FSTL1: variants seen among roughly 807,000 people sequenced by gnomAD.
FSTL1 encodes follistatin like 1, also known as follistatin-related protein 1.
In FSTL1, 24 loss-of-function variants were observed where a neutral mutation model predicts 45.9. That is an observed-to-expected ratio of 0.52 (90% CI 0.38 to 0.74). The LOEUF (loss-of-function observed/expected upper bound fraction) is 0.74. Ranked by LOEUF, FSTL1 falls within the 30% of genes least tolerant of loss-of-function variation. FSTL1 has a pLI of 0.00. For missense variants in FSTL1, 340 were observed against 381.8 expected (o/e 0.89, Z 0.91); for synonymous variants, 120 against 137.6 (o/e 0.87, Z 0.89).
chr3:120,412,525 C>T (rs1224802485), intron 3 of FSTL1, among the ~76,000 whole-genome samples: 1 of 152,158 alleles, frequency 6.6e-6, no homozygotes, highest in Non-Finnish European at 1.5e-5. Flanking sequence ...CTTGTACTTC[C>T]CAGCCTCCAG....
chr3:120,392,315 T>C lies in FSTL1; in HGVS notation c.*4637A>G, dbSNP rs1936609826. 1 of 152,208 alleles carries C rather than the reference T, an allele frequency of 6.6e-6. No individual in the cohort carries two copies. The highest frequency in any genetic ancestry group is 1.5e-5 in the Non-Finnish European group (1 of 68,036). 9.4% of individuals were successfully genotyped at this position (152,208 alleles called of 1,614,324 possible). The stretch of plus-strand genomic sequence containing the variant: ...CAATTATTCATGAGATGATATTTAA[T>C]CTTACAAAAGGAATAATGAATATAA... On this transcript the variant is annotated 3_prime_UTR_variant, in exon 11 of 11. Coordinates refer to ENST00000295633, the MANE Select transcript of FSTL1 (RefSeq NM_007085.5).
At chr3:120,409,829 G>A in intron 5 of FSTL1, 167 bp from the exon 6 acceptor site, 1 of 474,342 alleles carries the variant, frequency 2.1e-6, no homozygotes. Context: ...AAAAAGTCTA[G>A]CCCAGGATTC....
intron 2 of FSTL1, among the ~76,000 whole-genome samples, chr3:120,438,785 C>A (rs1431743614): frequency 6.6e-6 from 1 of 152,148 alleles, no homozygotes; most frequent in African/African-American, 2.4e-5. Context: ...CCCAGCCCAT[C>A]TCTGGCCAGT....
At position 120,395,640 on chromosome 3, in the gene FSTL1, T is replaced by C. The variant is rs779514463; in HGVS notation, c.*1312A>G. On this transcript the variant is annotated 3_prime_UTR_variant, in exon 11 of 11. Coordinates refer to ENST00000295633, the MANE Select transcript of FSTL1 (RefSeq NM_007085.5). ...TCTGGTCATCTTGTTTTTGGCCATCTGACATTTCTTGTTCTAGTAACAAGA... is the reference window on the plus strand; with the variant it reads ...TCTGGTCATCTTGTTTTTGGCCATCCGACATTTCTTGTTCTAGTAACAAGA... The C allele has an allele frequency of 5.6e-6, 3 of 533,116 alleles. No homozygotes were observed. The Admixed American group carries it at 5.8e-5, about 10-fold the overall frequency. 33.0% of individuals were successfully genotyped at this position (533,116 alleles called of 1,614,324 possible).
chr3:120,409,817 G>A (rs540112954), intron 5 of FSTL1, 155 bp from the exon 6 acceptor site: 15 of 515,426 alleles, frequency 2.9e-5, no homozygotes, highest in African/African-American at 2.3e-4. Flanking sequence ...GTACACAACT[G>A]GAAAAAGTCT....
At chr3:120,448,595 T>C (rs551062114) in intron 2 of FSTL1, among the ~76,000 whole-genome samples, 1 of 152,328 alleles carries the variant, frequency 6.6e-6, no homozygotes, top group Non-Finnish European at 1.5e-5. Flanking sequence ...CTCTTTTCAT[T>C]GTAACCATTT....
chr3:120,403,599 C>T (rs544467242), intron 7 of FSTL1, among the ~76,000 whole-genome samples: 1 of 152,136 alleles, frequency 6.6e-6, no homozygotes, highest in Admixed American at 6.5e-5. Context: ...ATGTTCCCCC[C>T]CTTAAGATGA....
At chr3:120,443,926 T>C (rs1343995675) in intron 2 of FSTL1, among the ~76,000 whole-genome samples, 2 of 150,066 alleles carry the variant, frequency 1.3e-5, no homozygotes, top group Non-Finnish European at 2.9e-5. Context: ...ATTAGCAAGT[T>C]ATTGCCAGGC....
intron 10 of FSTL1, among the ~76,000 whole-genome samples, chr3:120,397,675 T>G (rs964526426): frequency 1.3e-5 from 2 of 152,200 alleles, no homozygotes; most frequent in Non-Finnish European, 2.9e-5. Flanking sequence ...AGTGGTGCAG[T>G]AGCTTTGGAA....
At chr3:120,411,532 C>G (rs1200276376) in intron 4 of FSTL1, among the ~76,000 whole-genome samples, 1 of 152,212 alleles carries the variant, frequency 6.6e-6, no homozygotes, top group Admixed American at 6.5e-5. Context: ...TAAAAAGGTA[C>G]ATAATTCATT....
chr3:120,446,921 C>T (rs1252261593), intron 2 of FSTL1, among the ~76,000 whole-genome samples: 1 of 152,172 alleles, frequency 6.6e-6, no homozygotes, highest in Non-Finnish European at 1.5e-5. Context: ...GGATCCCTTA[C>T]TGGAATGAGG....
chr3:120,406,210 C>G (rs1315359852), intron 6 of FSTL1, among the ~76,000 whole-genome samples: 1 of 152,134 alleles, frequency 6.6e-6, no homozygotes, highest in Non-Finnish European at 1.5e-5. Flanking sequence ...CCTTTATTCA[C>G]TATACAATTT....
intron 2 of FSTL1, among the ~76,000 whole-genome samples, chr3:120,420,952 A>G (rs1407898441): frequency 6.6e-6 from 1 of 152,248 alleles, no homozygotes; most frequent in Non-Finnish European, 1.5e-5. Flanking sequence ...AAAAATGGAA[A>G]TGATTTTTGC....
chr3:120,444,319 A>G (rs958004848), intron 2 of FSTL1, among the ~76,000 whole-genome samples: 4 of 149,840 alleles, frequency 2.7e-5, no homozygotes, highest in African/African-American at 1.0e-4. Flanking sequence ...AATAGCTTTC[A>G]TCTCATATAG....
rs187169039 is a variant in FSTL1 at position 120,446,564 on chromosome 3, T to C, written c.63+4120A>G. On this transcript the variant is annotated intron_variant, in intron 2 of 10. Coordinates refer to ENST00000295633, the MANE Select transcript of FSTL1 (RefSeq NM_007085.5). ...CTTTAGAACTGCAACAAGTAGCTTA[T>C]TTGCCAAAGGATAAACAAGCAAGAG... 2.9e-4 allele frequency among the ~76,000 whole-genome samples: 43 copies of C among 149,284 alleles called. No homozygotes were observed. The East Asian group carries it at 7.3e-3, about 25-fold the overall frequency.
chr3:120,408,783 G>A (rs1301719168), intron 6 of FSTL1, among the ~76,000 whole-genome samples: 1 of 150,948 alleles, frequency 6.6e-6, no homozygotes. Flanking sequence ...CCTTCTCTGT[G>A]CTTCTGAGTG....
At chr3:120,402,324 T>A (rs1433118680) in intron 9 of FSTL1, among the ~76,000 whole-genome samples, 2 of 152,216 alleles carry the variant, frequency 1.3e-5, no homozygotes, top group Non-Finnish European at 2.9e-5. Flanking sequence ...GTTATAAGGA[T>A]CAATGGGTTA....
rs1469474502 is a variant in FSTL1, at chr3:120,403,357, G to GA, written c.582-4dup. 1 of 1,540,100 alleles carries GA rather than the reference G, an allele frequency of 6.5e-7. No individual in the cohort carries two copies. The highest frequency in any genetic ancestry group is 1.4e-5 in the African/African-American group (1 of 73,682). ...TGAGAGCATCAACACAGAGTCCCCT[G>GA]AAACAAAACACAGGAGAAATGTGTT... is the stretch of plus-strand genomic sequence containing the variant. On this transcript the variant is annotated splice_region_variant and splice_polypyrimidine_tract_variant and intron_variant, in intron 7 of 10. Transcript: ENST00000295633.
At chr3:120,450,414 G>T (rs1937861884) in intron 2 of FSTL1, among the ~76,000 whole-genome samples, 2 of 152,168 alleles carry the variant, frequency 1.3e-5, no homozygotes, top group South Asian at 4.2e-4. Flanking sequence ...CGTCCCCGTC[G>T]GCCCAGCCCG....
Sources: allele counts gnomAD v4.1 joint callset (sites outside exome capture counted in the v4.1 genomes callset), GRCh38; gene constraint gnomAD v4.1.1; transcripts MANE v1.5; gene names NCBI Gene and HGNC (gene_info 2026-07-23, HGNC 2026-07-21).